The following CTNNA3 variants were observed in gnomAD, a reference collection of about 807,000 sequenced individuals.
CTNNA3 encodes catenin alpha-3.
A neutral mutation model predicts 95.7 loss-of-function variants in CTNNA3; 76 were observed. The observed-to-expected ratio is 0.79, with a 90% CI of 0.66 to 0.96. The LOEUF (loss-of-function observed/expected upper bound fraction) is 0.96, where lower values mean the gene tolerates loss of function less well. Ranked by LOEUF, CTNNA3 falls within the 40% of genes least tolerant of loss-of-function variation. CTNNA3 has a pLI of 0.00. For synonymous variants in CTNNA3, 431 were observed against 374.4 expected, an observed-to-expected ratio of 1.15 and a Z score of -1.74; for missense variants, 1,191 against 1,089.8, an observed-to-expected ratio of 1.09 and a Z score of -1.31.
At position 66,792,342 on chromosome 10, in the gene CTNNA3, AT is replaced by A. The variant is rs925620501; in HGVS notation, c.1048-16819del. On this transcript the variant is annotated intron_variant, in intron 7 of 17. Transcript: ENST00000433211. ...AGCATCAATAATTCAGATAAAGCATATTTTTTAAGTGTCCTAGAGTATTATT... is the reference window on the plus strand; with the variant it reads ...AGCATCAATAATTCAGATAAAGCATATTTTTAAGTGTCCTAGAGTATTATT... Among the ~76,000 whole-genome samples, 11 of 152,210 alleles carry A rather than the reference AT, an allele frequency of 7.2e-5. No individual in the cohort carries two copies. The East Asian group carries it at 1.4e-3, about 19-fold the overall frequency.
intron 10 of CTNNA3, among the ~76,000 whole-genome samples, chr10:66,601,524 T>C (rs1228782386): frequency 6.6e-6 from 1 of 151,902 alleles, no homozygotes; most frequent in African/African-American, 2.4e-5. Context: ...AATTACCTTA[T>C]AGCTTCTGGA....
At chr10:66,088,986 T>G (rs1046355561) in intron 14 of CTNNA3, among the ~76,000 whole-genome samples, 4 of 152,030 alleles carry the variant, frequency 2.6e-5, no homozygotes, top group African/African-American at 9.7e-5. Flanking sequence ...ATAAACATTT[T>G]CTTATATAAT....
chr10:67,732,621 T>C (rs949317040), intron 1 of CTNNA3, among the ~76,000 whole-genome samples: 1 of 152,208 alleles, frequency 6.6e-6, no homozygotes, highest in Non-Finnish European at 1.5e-5. Context: ...ACTACATATT[T>C]AGTTGAATAA....
intron 13 of CTNNA3, among the ~76,000 whole-genome samples, chr10:66,207,950 C>A (rs987668287): frequency 2.0e-5 from 3 of 152,168 alleles, no homozygotes; most frequent in South Asian, 4.2e-4. Context: ...ACAAACTAGT[C>A]CACCATGATC....
chr10:67,745,514 TG>T (rs1216753158), intron 1 of CTNNA3, among the ~76,000 whole-genome samples: 7 of 3,660 alleles, frequency 1.9e-3, no homozygotes, highest in African/African-American at 3.1e-3. Context: ...TGTTGTGGGG[TG>T]GGGGGGAGGG....
chr10:67,736,549 A>G (rs1461488575), intron 1 of CTNNA3, among the ~76,000 whole-genome samples: 2 of 140,712 alleles, frequency 1.4e-5, no homozygotes, highest in Non-Finnish European at 3.0e-5. Context: ...TCCGCCTCCC[A>G]GTTTCACGCC....
chr10:66,268,200 C>T (rs2091200577), intron 13 of CTNNA3, among the ~76,000 whole-genome samples: 1 of 152,048 alleles, frequency 6.6e-6, no homozygotes, highest in Admixed American at 6.6e-5. Context: ...CCTCATCTCA[C>T]ATGCTCCTTT....
chr10:67,563,159 C>T (rs1841599448), intron 3 of CTNNA3, among the ~76,000 whole-genome samples: 1 of 151,918 alleles, frequency 6.6e-6, no homozygotes, highest in African/African-American at 2.4e-5. Flanking sequence ...CATATGGAAC[C>T]AAAAAAGAGC....
At chr10:66,429,806 G>A (rs2093278462) in intron 11 of CTNNA3, among the ~76,000 whole-genome samples, 1 of 152,016 alleles carries the variant, frequency 6.6e-6, no homozygotes, top group African/African-American at 2.4e-5. Flanking sequence ...ATACTGAATG[G>A]GCAAAACCTG....
intron 3 of CTNNA3, among the ~76,000 whole-genome samples, chr10:67,558,852 G>C (rs1020716979): frequency 5.9e-5 from 9 of 152,212 alleles, no homozygotes; most frequent in Admixed American, 5.2e-4. Flanking sequence ...ACATGGCTCG[G>C]AGGGTCCTAC....
chr10:67,328,426 T>C (rs546628747), intron 5 of CTNNA3, among the ~76,000 whole-genome samples: 1 of 152,200 alleles, frequency 6.6e-6, no homozygotes, highest in Non-Finnish European at 1.5e-5. Flanking sequence ...AGTTCAGGAC[T>C]GACAGTTCCC....
intron 12 of CTNNA3, among the ~76,000 whole-genome samples, chr10:66,322,352 C>G (rs540389725): frequency 6.6e-6 from 1 of 152,142 alleles, no homozygotes; most frequent in South Asian, 2.1e-4. Context: ...TGAGGAATGT[C>G]CTACAGTCGC....
At chr10:66,580,295 T>C (rs907329897) in intron 10 of CTNNA3, among the ~76,000 whole-genome samples, 1 of 151,882 alleles carries the variant, frequency 6.6e-6, no homozygotes, top group African/African-American at 2.4e-5. Context: ...TTAATTTTTA[T>C]GGCTACATAA....
chr10:67,544,597 C>T (rs1840783104), intron 3 of CTNNA3, among the ~76,000 whole-genome samples: 1 of 152,178 alleles, frequency 6.6e-6, no homozygotes, highest in Non-Finnish European at 1.5e-5. Flanking sequence ...GAGTATTCAG[C>T]TGAATACTGA....
intron 5 of CTNNA3, among the ~76,000 whole-genome samples, chr10:67,384,609 G>A (rs918023941): frequency 1.3e-5 from 2 of 152,130 alleles, no homozygotes; most frequent in Non-Finnish European, 1.5e-5. Context: ...CATTGTGCAG[G>A]CTCAAAGTTC....
chr10:66,098,877 C>T (rs1384956445), intron 14 of CTNNA3: 1 of 152,124 alleles, frequency 6.6e-6, no homozygotes, highest in Non-Finnish European at 1.5e-5. Flanking sequence ...TTTCCATTGT[C>T]ACTTCGTAAG....
intron 7 of CTNNA3, among the ~76,000 whole-genome samples, chr10:66,959,695 C>T (rs1849012909): frequency 1.3e-5 from 2 of 152,166 alleles, no homozygotes; most frequent in South Asian, 4.1e-4. Flanking sequence ...ACTTACTTGT[C>T]CCTCATTGCA....
chr10:66,525,630 T>G (rs1385353783), intron 10 of CTNNA3, among the ~76,000 whole-genome samples: 2 of 151,064 alleles, frequency 1.3e-5, no homozygotes, highest in African/African-American at 4.9e-5. Context: ...AGAGAGAGAG[T>G]GTGTGTGTGT....
At chr10:65,971,193 C>T (rs2078093678) in intron 16 of CTNNA3, among the ~76,000 whole-genome samples, 1 of 151,832 alleles carries the variant, frequency 6.6e-6, no homozygotes, top group Admixed American at 6.6e-5. Flanking sequence ...TAGCAGTAAA[C>T]TCCTACCTCA....
Sources: allele counts gnomAD v4.1 joint callset (sites outside exome capture counted in the v4.1 genomes callset), GRCh38; gene constraint gnomAD v4.1.1; transcripts MANE v1.5; gene names NCBI Gene and HGNC (gene_info 2026-07-23, HGNC 2026-07-21).